ZBTB20: variants seen among roughly 807,000 people sequenced by gnomAD.
The protein encoded by ZBTB20 is zinc finger and BTB domain-containing protein 20.
Under a neutral mutation model 56.9 loss-of-function variants are expected in ZBTB20, and 9 were observed. The ratio of observed to expected loss-of-function variants is 0.16; its 90% CI spans 0.10 to 0.28. ZBTB20 has a LOEUF of 0.28. Ranked by LOEUF, ZBTB20 falls within the 10% of genes least tolerant of loss-of-function variation. The probability of loss-of-function intolerance (pLI) is 1.00; values close to 1 mark genes in which losing one functional copy is unlikely to be tolerated. For synonymous variants in ZBTB20, 417 were observed against 420.7 expected (o/e 0.99, Z 0.11); for missense variants, 655 against 1,003.0 (o/e 0.65, Z 4.69).
At chr3:114,946,817 A>G (rs1198532132) in intron 3 of ZBTB20, among the ~76,000 whole-genome samples, 1 of 145,808 alleles carries the variant, frequency 6.9e-6, no homozygotes, top group Non-Finnish European at 1.5e-5. Context: ...ATGGTACTTA[A>G]TTAAACTAAA....
chr3:114,689,588 G>C (rs1368710729), intron 6 of ZBTB20, among the ~76,000 whole-genome samples: 1 of 152,174 alleles, frequency 6.6e-6, no homozygotes, highest in African/African-American at 2.4e-5. Flanking sequence ...TGAAGCAAGA[G>C]AAAAAGGTGT....
At chr3:114,614,499 G>T (rs1055650933) in intron 6 of ZBTB20, among the ~76,000 whole-genome samples, 1 of 151,290 alleles carries the variant, frequency 6.6e-6, no homozygotes, top group South Asian at 2.1e-4. Flanking sequence ...TTAATAGGAT[G>T]ACTGTAAAAT....
At chr3:114,599,258 G>A (rs2056577817) in intron 6 of ZBTB20, 2 of 152,048 alleles carry the variant, frequency 1.3e-5, no homozygotes, top group Admixed American at 6.6e-5. Context: ...TACTGAAATA[G>A]TTTCGTGAGG....
At chr3:114,802,931 G>GCT (rs1708524142) in intron 4 of ZBTB20, among the ~76,000 whole-genome samples, 1 of 151,698 alleles carries the variant, frequency 6.6e-6, no homozygotes, top group South Asian at 2.1e-4. Context: ...CATTCAGTCA[G>GCT]GTTTCCTTCT....
chr3:114,815,523 G>C (rs1281557546), intron 4 of ZBTB20, among the ~76,000 whole-genome samples: 1 of 152,024 alleles, frequency 6.6e-6, no homozygotes. Context: ...TTTACTATTT[G>C]GTATTGTGCT....
intron 5 of ZBTB20, among the ~76,000 whole-genome samples, chr3:114,706,583 T>A (rs1207778071): frequency 6.6e-6 from 1 of 152,100 alleles, no homozygotes; most frequent in Non-Finnish European, 1.5e-5. Context: ...CAGAGATACA[T>A]CCTCCAAATC....
intron 2 of ZBTB20, among the ~76,000 whole-genome samples, chr3:115,019,314 A>G (rs1376526459): frequency 6.6e-6 from 1 of 151,282 alleles, no homozygotes; most frequent in Admixed American, 6.6e-5. Context: ...GGTAAAAAGA[A>G]AACTGCATTG....
intron 6 of ZBTB20, among the ~76,000 whole-genome samples, chr3:114,625,679 A>G (rs530856705): frequency 6.6e-6 from 1 of 152,226 alleles, no homozygotes; most frequent in East Asian, 1.9e-4. Context: ...GAACTATGAC[A>G]CTGTGACCAT....
Position 114,645,036 on chromosome 3 carries a change from A to C in ZBTB20, c.-295+48492T>G, listed in dbSNP as rs1032910100. Among the ~76,000 whole-genome samples the C allele has an allele frequency of 2.4e-4, 37 of 151,972 alleles. 1 individual carries two copies. Among genetic ancestry groups the C allele is most frequent in the African/African-American group, 8.7e-4 (36 of 41,410 alleles). ...AATAAATCATATACATTTATTATTA[A>C]TATAATATAGTTTATTGCACACACA... On this transcript the variant is annotated intron_variant, in intron 6 of 11. Transcript: ENST00000675478.
rs780648712 is a variant in ZBTB20 at position 114,338,960 on chromosome 3, T to G, written c.*45A>C. 2.7e-6 allele frequency: 4 copies of G among 1,457,260 alleles called. No individual in the cohort carries two copies. The Admixed American group carries it at 9.7e-5, about 35-fold the overall frequency. The allele number at this position is 1,457,260 out of a possible 1,614,324, so 90.3% of individuals were successfully genotyped here. A position where few individuals can be genotyped will look rare whatever the true frequency, so the allele number is the denominator to read the frequency against. ...ATAGCTTTTTTGTTTGTTTGTTTTT[T>G]GTTGTTGTTTTGTTTTGTTCATAAG... On this transcript the variant is annotated 3_prime_UTR_variant, in exon 12 of 12. Transcript: ENST00000675478.
Position 114,325,559 on chromosome 3 carries a change from A to G in ZBTB20, c.*13446T>C, listed in dbSNP as rs910161522. ...AATCACAAAGAAGTATAGTTAACTT[A>G]CTAATTCTTTGAATTGTAATAATGA... On this transcript the variant is annotated 3_prime_UTR_variant, in exon 12 of 12. Transcript: ENST00000675478. 1 of 152,216 alleles carries G rather than the reference A, an allele frequency of 6.6e-6. No homozygotes were observed. Among genetic ancestry groups the G allele is most frequent in the African/African-American group, 2.4e-5 (1 of 41,456 alleles). The allele number at this position is 152,216 out of a possible 1,614,324, so 9.4% of individuals were successfully genotyped here.
chr3:114,778,281 T>C (rs1389979082), intron 5 of ZBTB20, among the ~76,000 whole-genome samples: 1 of 36,690 alleles, frequency 2.7e-5, no homozygotes, highest in Non-Finnish European at 4.7e-5. Flanking sequence ...ATAATAATAA[T>C]ACACATTCAA....
intron 4 of ZBTB20, among the ~76,000 whole-genome samples, chr3:114,857,577 T>C (rs1178845948): frequency 1.3e-5 from 2 of 152,200 alleles, no homozygotes; most frequent in African/African-American, 4.8e-5. Flanking sequence ...TGCTCTATGC[T>C]GATGAGATGA....
intron 1 of ZBTB20, chr3:115,100,418 GAGAGA>G (rs1243051743): frequency 6.6e-6 from 1 of 151,810 alleles, no homozygotes; most frequent in Non-Finnish European, 1.5e-5. Flanking sequence ...GAGTAAGAGA[GAGAGA>G]AGAGGAGAGA....
At chr3:114,944,314 A>G (rs2107868862) in intron 3 of ZBTB20, among the ~76,000 whole-genome samples, 1 of 146,128 alleles carries the variant, frequency 6.8e-6, no homozygotes, top group East Asian at 1.9e-4. Flanking sequence ...GCTACCTTCA[A>G]AAAGTTAAAA....
intron 7 of ZBTB20, among the ~76,000 whole-genome samples, chr3:114,480,906 A>C (rs773366891): frequency 6.6e-6 from 1 of 152,078 alleles, no homozygotes; most frequent in Non-Finnish European, 1.5e-5. Flanking sequence ...AAAGAACAAC[A>C]ATTAGTTTCA....
intron 5 of ZBTB20, among the ~76,000 whole-genome samples, chr3:114,736,764 AC>A (rs2066191787): frequency 6.6e-6 from 1 of 152,120 alleles, no homozygotes; most frequent in African/African-American, 2.4e-5. Context: ...AAAGAAACAA[AC>A]AAAAAACACT....
intron 2 of ZBTB20, among the ~76,000 whole-genome samples, chr3:114,983,487 A>G (rs1010140462): frequency 6.6e-6 from 1 of 151,966 alleles, no homozygotes; most frequent in East Asian, 1.9e-4. Context: ...TTCATGGTCA[A>G]AGGTCAATGT....
intron 7 of ZBTB20, among the ~76,000 whole-genome samples, chr3:114,460,658 C>G (rs1377483382): frequency 6.6e-6 from 1 of 152,212 alleles, no homozygotes; most frequent in Non-Finnish European, 1.5e-5. Flanking sequence ...TGATTTGAGA[C>G]TTCTGGTTTC....
Sources: allele counts gnomAD v4.1 joint callset (sites outside exome capture counted in the v4.1 genomes callset), GRCh38; gene constraint gnomAD v4.1.1; transcripts MANE v1.5; gene names NCBI Gene and HGNC (gene_info 2026-07-23, HGNC 2026-07-21).